Variants in C10orf71 observed in about 807,000 individuals in gnomAD.
C10orf71 encodes cardiac-enriched FHL2-interacting protein.
For missense variants in C10orf71, 1,869 were observed against 1,804.5 expected, an observed-to-expected ratio of 1.04 and a Z score of -0.65; for synonymous variants, 758 against 726.3, an observed-to-expected ratio of 1.04 and a Z score of -0.70.
In C10orf71 at chr10:49,326,341, C is replaced by G. The variant is rs760904682; in HGVS notation, c.3796C>G (p.Pro1266Ala). 2 of 1,550,052 alleles carry G rather than the reference C, an allele frequency of 1.3e-6. No individual in the cohort carries two copies. Among genetic ancestry groups the G allele is most frequent in the African/African-American group, 2.7e-5 (2 of 73,048 alleles). ...RRPGGPQSLT[P>A]LPAYPATQKV... ...GCCCGGGGGCCCCCAGTCCCTCACACCCCTGCCCGCGTACCCCGCCACCCA... is the reference window on the plus strand; with the variant it reads ...GCCCGGGGGCCCCCAGTCCCTCACAGCCCTGCCCGCGTACCCCGCCACCCA... Residue 1266 changes from proline (P) to alanine (A), a missense_variant, in exon 3 of 3, where the codon CCC (proline) becomes GCC (alanine). Coordinates refer to ENST00000374144, the MANE Select transcript of C10orf71 (RefSeq NM_001135196.2).
rs1434121992 is a variant in C10orf71, at chr10:49,324,810, C to G, written c.2265C>G (p.Asp755Glu). ...GGTTTACTGAGAACCAGCGGGAAGA[C>G]AGGAGGAAGGATGTGAGTGCAGGTG... Reference protein sequence around the residue: ...KMWFTENQREDRRKDVSAGDS... With the variant: ...KMWFTENQREERRKDVSAGDS... The change falls in exon 3 of 3, where the codon GAC becomes GAG. Residue 755 changes from aspartate to glutamate, a missense_variant. Coordinates refer to ENST00000374144, the MANE Select transcript of C10orf71 (RefSeq NM_001135196.2). 2 of 1,551,922 alleles carry G rather than the reference C, an allele frequency of 1.3e-6. No homozygotes were observed. The highest frequency in any genetic ancestry group is 2.7e-5 in the African/African-American group (2 of 73,028).
chr10:49,326,406 C>G lies in C10orf71; in HGVS notation c.3861C>G (p.Val1287=). ...LQDPQSGEYF[V]FDLPLQVKIK... ...ATCCGCAGTCCGGGGAGTACTTTGT[C>G]TTCGACTTGCCACTCCAGGTGAAAA... Residue 1287 remains valine (V), a synonymous_variant, in exon 3 of 3, where the codon GTC becomes GTG. Transcript: ENST00000374144. 6.4e-7 allele frequency: 1 copy of G among 1,550,546 alleles called. No individual in the cohort carries two copies. Among genetic ancestry groups the G allele is most frequent in the South Asian group, 1.2e-5 (1 of 84,056 alleles).
chr10:49,319,355 A>G (rs1156516650), intron 2 of C10orf71, among the ~76,000 whole-genome samples: 3 of 152,066 alleles, frequency 2.0e-5, no homozygotes, highest in African/African-American at 7.2e-5. Flanking sequence ...GAAAAAAAAA[A>G]AGCAGAAAAT....
Position 49,325,500 on chromosome 10 carries a change from C to G in C10orf71, c.2955C>G (p.Cys985Trp). The G allele has an allele frequency of 1.3e-6, 2 of 1,550,612 alleles. No individual in the cohort carries two copies. Among genetic ancestry groups the G allele is most frequent in the South Asian group, 1.2e-5 (1 of 83,970 alleles). ...DAAPGLVASNCKSGSADSGKL... is the reference protein window; with the variant it reads ...DAAPGLVASNWKSGSADSGKL... ...CACCTGGCCTCGTGGCAAGCAATTG[C>G]AAGAGCGGTTCTGCAGACTCAGGGA... The change falls in exon 3 of 3, where the codon TGC (cysteine) becomes TGG (tryptophan). Residue 985 changes from cysteine (C) to tryptophan (W), a missense_variant. Coordinates refer to ENST00000374144, the MANE Select transcript of C10orf71 (RefSeq NM_001135196.2).
Position 49,323,935 on chromosome 10 carries a change from C to A in C10orf71, c.1390C>A (p.Pro464Thr). 6.2e-7 allele frequency: 1 copy of A among 1,613,844 alleles called. No individual in the cohort carries two copies. The highest frequency in any genetic ancestry group is 8.5e-7 in the Non-Finnish European group (1 of 1,179,836). Residue 464 changes from proline to threonine, a missense_variant, in exon 3 of 3, where the codon CCA becomes ACA. Physicochemically the swap from Pro to Thr is conservative, Grantham distance 38. Transcript: ENST00000374144. ...CGCCCTGGATTCAGCAGACAGCCAG[C>A]CAGCAGAGCGAACCCCATCACCCCC... ...KHALDSADSQPAERTPSPPGQ... is the reference protein window; with the variant it reads ...KHALDSADSQTAERTPSPPGQ...
intron 2 of C10orf71, among the ~76,000 whole-genome samples, chr10:49,320,057 T>C (rs2132426162): frequency 6.6e-6 from 1 of 152,230 alleles, no homozygotes; most frequent in African/African-American, 2.4e-5. Flanking sequence ...TGGAGATTGA[T>C]TGCATGAACA....
Position 49,323,409 on chromosome 10 carries a change from G to A in C10orf71, c.864G>A (p.Leu288=), listed in dbSNP as rs1352136810. The A allele has an allele frequency of 6.2e-7, 1 of 1,613,878 alleles. No homozygotes were observed. The highest frequency in any genetic ancestry group is 1.3e-5 in the African/African-American group (1 of 74,922). The change falls in exon 3 of 3, where the codon CTG becomes CTA. Residue 288 remains leucine, a synonymous_variant. Transcript: ENST00000374144. ...ESWNAHQPKL[L]ERKDTAGTVP... ...GGAATGCCCACCAACCAAAGCTGCT[G>A]GAGAGAAAGGACACAGCTGGAACCG...
chr10:49,308,332 C>T (rs1848852342), intron 1 of C10orf71, among the ~76,000 whole-genome samples: 1 of 152,238 alleles, frequency 6.6e-6, no homozygotes, highest in South Asian at 2.1e-4. Flanking sequence ...CATCATGTTC[C>T]TGGGGCTGGC....
At chr10:49,299,383 C>G (rs1297478585) in intron 1 of C10orf71, 150 bp downstream of exon 1, 1 of 152,642 alleles carries the variant, frequency 6.6e-6, no homozygotes, top group East Asian at 1.9e-4. Flanking sequence ...GAAGTCTTGG[C>G]TGCTGGGCAG....
In C10orf71 at chr10:49,326,126, C is replaced by T. The variant is rs1448075808; in HGVS notation, c.3581C>T (p.Thr1194Met). 6 of 1,551,590 alleles carry T rather than the reference C, an allele frequency of 3.9e-6. No individual in the cohort carries two copies. Among genetic ancestry groups the T allele is most frequent in the African/African-American group, 1.4e-5 (1 of 73,058 alleles). Reference sequence around the variant, plus strand: ...AAGCTGGCAAGTAAGAGGAGGAAGACGGATCAGGCTCAGGAGAAGCATGGC... The same window carrying T: ...AAGCTGGCAAGTAAGAGGAGGAAGATGGATCAGGCTCAGGAGAAGCATGGC... ...AKKLASKRRK[T>M]DQAQEKHGES... is the part of the protein sequence containing the mutation. Residue 1194 changes from threonine (T) to methionine (M), a missense_variant, in exon 3 of 3, where the codon ACG (threonine) becomes ATG (methionine). Thr to Met is a moderately conservative substitution (Grantham distance 81). Coordinates refer to ENST00000374144, the MANE Select transcript of C10orf71 (RefSeq NM_001135196.2).
At chr10:49,310,675 G>A (rs1243291515) in intron 1 of C10orf71, among the ~76,000 whole-genome samples, 5 of 152,122 alleles carry the variant, frequency 3.3e-5, no homozygotes, top group Non-Finnish European at 5.9e-5. Flanking sequence ...CACATGAGCC[G>A]TGACTGTCAC....
chr10:49,309,383 G>A (rs546812805), intron 1 of C10orf71, among the ~76,000 whole-genome samples: 3 of 152,276 alleles, frequency 2.0e-5, no homozygotes, highest in Admixed American at 6.5e-5. Flanking sequence ...TCTCTCTGCT[G>A]TATGAGAATA....
In C10orf71 at chr10:49,323,206, T is replaced by C. The variant is rs1420239780; in HGVS notation, c.661T>C (p.Ser221Pro). The C allele has an allele frequency of 3.1e-6, 5 of 1,612,660 alleles. No homozygotes were observed. Among genetic ancestry groups the C allele is most frequent in the Non-Finnish European group, 4.2e-6 (5 of 1,179,606 alleles). Residue 221 changes from serine to proline, a missense_variant, in exon 3 of 3, where the codon TCC (serine) becomes CCC (proline). Coordinates refer to ENST00000374144, the MANE Select transcript of C10orf71 (RefSeq NM_001135196.2). ...QPGRKHGEQE[S>P]SKNPEMACHG... Reference sequence around the variant, plus strand: ...AGGCAGGAAGCACGGAGAACAGGAGTCCTCCAAGAATCCAGAAATGGCCTG... The same window carrying C: ...AGGCAGGAAGCACGGAGAACAGGAGCCCTCCAAGAATCCAGAAATGGCCTG...
intron 2 of C10orf71, among the ~76,000 whole-genome samples, chr10:49,321,394 TC>T (rs35271217): frequency 6.6e-6 from 1 of 152,224 alleles, no homozygotes; most frequent in African/African-American, 2.4e-5. Context: ...TTTAAAAATT[TC>T]CTGCTTCTTT....
At chr10:49,320,690 CAGA>C (rs748185603) in intron 2 of C10orf71, among the ~76,000 whole-genome samples, 1 of 152,146 alleles carries the variant, frequency 6.6e-6, no homozygotes, top group Non-Finnish European at 1.5e-5. Context: ...TCTGATTCTG[CAGA>C]AGATCAGAAC....
Position 49,322,996 on chromosome 10 carries a change from G to T in C10orf71, c.451G>T (p.Asp151Tyr), listed in dbSNP as rs758962131. The change falls in exon 3 of 3, where the codon GAC (aspartate) becomes TAC (tyrosine). Residue 151 changes from aspartate to tyrosine, a missense_variant. Asp to Tyr is a radical substitution (Grantham distance 160, BLOSUM62 -3). Transcript: ENST00000374144. ...AGTATCAACACTAATTAAATCTTTCGACAGGACCGAGAGCCAACGTTGTGA... is the reference window on the plus strand; with the variant it reads ...AGTATCAACACTAATTAAATCTTTCTACAGGACCGAGAGCCAACGTTGTGA... ...SKVSTLIKSF[D>Y]RTESQRCESR... The T allele has an allele frequency of 1.2e-6, 2 of 1,613,974 alleles. No individual in the cohort carries two copies. The highest frequency in any genetic ancestry group is 1.7e-6 in the Non-Finnish European group (2 of 1,179,902).
chr10:49,304,640 C>CAGG (rs951295438), intron 1 of C10orf71, among the ~76,000 whole-genome samples: 4 of 152,210 alleles, frequency 2.6e-5, no homozygotes, highest in African/African-American at 4.8e-5. Context: ...CCGTAGTTCT[C>CAGG]AGGAGTCCTG....
In C10orf71 at chr10:49,322,550, T is replaced by C. The variant is rs530122359; in HGVS notation, c.5T>C (p.Met2Thr). 5.6e-6 allele frequency: 9 copies of C among 1,601,338 alleles called. No homozygotes were observed. The highest frequency in any genetic ancestry group is 1.1e-5 in the South Asian group (1 of 89,594). MMQGNKKCTDAF... is the reference protein window; with the variant it reads MTQGNKKCTDAF... ...CAGCTTTCTTGGAGCCAACAGATGA[T>C]GCAAGGAAATAAGAAGTGCACAGAC... Residue 2 changes from methionine (M) to threonine (T), a missense_variant, in exon 3 of 3, where the codon ATG (methionine) becomes ACG (threonine). By Grantham distance (81) the Met-to-Thr change is moderately conservative (BLOSUM62 -1). Coordinates refer to ENST00000374144, the MANE Select transcript of C10orf71 (RefSeq NM_001135196.2).
At position 49,323,817 on chromosome 10, in the gene C10orf71, C is replaced by T. The variant is rs746142343; in HGVS notation, c.1272C>T (p.Asn424=). Reference sequence around the variant, plus strand: ...ACCCCCAGGAACAGTTTTCAGAAAACAATGCTCTTGACCTGCCTGTGGAAC... The same window carrying T: ...ACCCCCAGGAACAGTTTTCAGAAAATAATGCTCTTGACCTGCCTGTGGAAC... The part of the protein sequence containing the change: ...KHNPQEQFSE[N]NALDLPVEPN... The change falls in exon 3 of 3, where the codon AAC becomes AAT. Residue 424 remains asparagine, a synonymous_variant. Coordinates refer to ENST00000374144, the MANE Select transcript of C10orf71 (RefSeq NM_001135196.2). The T allele has an allele frequency of 1.2e-6, 2 of 1,613,910 alleles. No individual in the cohort carries two copies. The highest frequency in any genetic ancestry group is 1.7e-6 in the Non-Finnish European group (2 of 1,179,888).
Sources: allele counts gnomAD v4.1 joint callset (sites outside exome capture counted in the v4.1 genomes callset), GRCh38; gene constraint gnomAD v4.1.1; transcripts MANE v1.5; gene names NCBI Gene and HGNC (gene_info 2026-07-23, HGNC 2026-07-21).